PKD1L1: variants seen among roughly 807,000 people sequenced by gnomAD.
The protein encoded by PKD1L1 is polycystin-1-like protein 1.
Under a neutral mutation model 323.4 loss-of-function variants are expected in PKD1L1, and 236 were observed. The observed-to-expected ratio is 0.73, with a 90% CI of 0.66 to 0.81. PKD1L1 has a LOEUF of 0.81. Ranked by LOEUF, PKD1L1 falls within the 40% of genes least tolerant of loss-of-function variation. The probability of loss-of-function intolerance (pLI) is 0.00; values close to 1 mark genes in which losing one functional copy is unlikely to be tolerated. For missense variants in PKD1L1, 3,320 were observed against 3,508.0 expected (o/e 0.95, Z 1.35); for synonymous variants, 1,344 against 1,335.0 (o/e 1.01, Z -0.15).
intron 53 of PKD1L1, among the ~76,000 whole-genome samples, chr7:47,801,962 C>T (rs1032094195): frequency 5.9e-5 from 9 of 151,956 alleles, no homozygotes; most frequent in South Asian, 2.1e-4. Flanking sequence ...GAGGCCGAGG[C>T]GGGCGGATCA....
intron 6 of PKD1L1, among the ~76,000 whole-genome samples, chr7:47,930,023 C>T (rs1787734746): frequency 6.6e-6 from 1 of 152,192 alleles, no homozygotes; most frequent in African/African-American, 2.4e-5. Context: ...TGGAAATAGT[C>T]TAGGATACTC....
intron 8 of PKD1L1, among the ~76,000 whole-genome samples, chr7:47,914,891 G>A (rs1285773358): frequency 6.6e-6 from 1 of 152,138 alleles, no homozygotes; most frequent in Admixed American, 6.5e-5. Context: ...ATACAGGAGG[G>A]ACACAGGGCT....
In PKD1L1 at chr7:47,853,327, A is replaced by G. The variant is rs1035537959; in HGVS notation, c.4860-100T>C. 5 of 862,278 alleles carry G rather than the reference A, an allele frequency of 5.8e-6. No individual in the cohort carries two copies. The African/African-American group carries it at 6.7e-5, about 12-fold the overall frequency. 53.4% of individuals were successfully genotyped at this position (862,278 alleles called of 1,614,324 possible). A position where few individuals can be genotyped will look rare whatever the true frequency, so the allele number is the denominator to read the frequency against. On this transcript the variant is annotated intron_variant, in intron 30 of 56. Coordinates refer to ENST00000289672, the MANE Select transcript of PKD1L1 (RefSeq NM_138295.5). ...AGAGTTTACTCAATTTGTGCAAAAC[A>G]TCCTTGTCACTGCAAGGAGGTAGCC...
In PKD1L1 at chr7:47,833,021, T is replaced by C. The variant is rs1436685825; in HGVS notation, c.6337+69A>G. On this transcript the variant is annotated intron_variant, in intron 41 of 56. Coordinates refer to ENST00000289672, the MANE Select transcript of PKD1L1 (RefSeq NM_138295.5). ...GGCCCAATTGTGACTCTGCTTGCCC[T>C]GCCTCTCCCAATGGCTGCAGGTCTG... 3.3e-6 allele frequency: 5 copies of C among 1,522,362 alleles called. No individual in the cohort carries two copies. The African/African-American group carries it at 4.1e-5, about 12-fold the overall frequency. 94.3% of individuals were successfully genotyped at this position (1,522,362 alleles called of 1,614,324 possible). A position where few individuals can be genotyped will look rare whatever the true frequency, so the allele number is the denominator to read the frequency against.
chr7:47,780,301 C>A lies in PKD1L1; in HGVS notation c.8527-5135G>T, dbSNP rs61546159. Among the ~76,000 whole-genome samples the A allele has an allele frequency of 6.0e-4, 91 of 152,252 alleles. No homozygotes were observed. The East Asian group carries it at 0.017, about 28-fold the overall frequency. ...TTTCATCCCTGACTCCTGGCAACCA[C>A]GAACTGCTTCCCTTGTCTATAATCT... On this transcript the variant is annotated intron_variant, in intron 56 of 56. Coordinates refer to ENST00000289672, the MANE Select transcript of PKD1L1 (RefSeq NM_138295.5).
At chr7:47,877,316 G>A (rs1786428683) in intron 22 of PKD1L1, among the ~76,000 whole-genome samples, 173 bp downstream of exon 22, 2 of 152,180 alleles carry the variant, frequency 1.3e-5, no homozygotes, top group South Asian at 2.1e-4. Context: ...TCTCATTAGT[G>A]TGTGGGGAAG....
At chr7:47,785,396 G>C (rs1369597415) in intron 56 of PKD1L1, among the ~76,000 whole-genome samples, 1 of 152,092 alleles carries the variant, frequency 6.6e-6, no homozygotes, top group Non-Finnish European at 1.5e-5. Flanking sequence ...AATTGTGCCT[G>C]GCACAAAAAT....
chr7:47,783,152 C>A (rs1786733137), intron 56 of PKD1L1, among the ~76,000 whole-genome samples: 1 of 152,128 alleles, frequency 6.6e-6, no homozygotes, highest in Non-Finnish European at 1.5e-5. Context: ...TTAGGGAAGA[C>A]TCAATGGCAT....
chr7:47,826,187 C>T (rs529972840), intron 45 of PKD1L1, among the ~76,000 whole-genome samples: 2 of 152,200 alleles, frequency 1.3e-5, no homozygotes, highest in Non-Finnish European at 1.5e-5. Context: ...TCCTTCCCGC[C>T]ACCATGTTCC....
At position 47,774,994 on chromosome 7, in the gene PKD1L1, T is replaced by C. The variant is rs1786536204; in HGVS notation, c.*149A>G. 5 of 778,802 alleles carry C rather than the reference T, an allele frequency of 6.4e-6. No homozygotes were observed. The highest frequency in any genetic ancestry group is 8.6e-6 in the Non-Finnish European group (4 of 464,022). The allele number at this position is 778,802 out of a possible 1,614,324, so 48.2% of individuals were successfully genotyped here. The stretch of plus-strand genomic sequence containing the variant: ...CCTTGATTTTCATCCTGGTTTCCCA[T>C]TTACTTGTTACGTGAACTGGAAAAA... On this transcript the variant is annotated 3_prime_UTR_variant, in exon 57 of 57. Coordinates refer to ENST00000289672, the MANE Select transcript of PKD1L1 (RefSeq NM_138295.5).
At chr7:47,936,164 A>G (rs1218074372) in intron 4 of PKD1L1, among the ~76,000 whole-genome samples, 2 of 152,184 alleles carry the variant, frequency 1.3e-5, no homozygotes, top group Non-Finnish European at 2.9e-5. Flanking sequence ...GTTTTTTTAA[A>G]TTGTGGTAAA....
intron 55 of PKD1L1, 120 bp downstream of exon 55, chr7:47,795,869 C>CCA: frequency 8.0e-7 from 1 of 1,243,810 alleles, no homozygotes; most frequent in Non-Finnish European, 1.1e-6. Flanking sequence ...TGTGGCTTTG[C>CCA]AAGGAGATTT....
chr7:47,807,686 G>C (rs1784809707), intron 52 of PKD1L1, among the ~76,000 whole-genome samples: 1 of 152,148 alleles, frequency 6.6e-6, no homozygotes, highest in Admixed American at 6.5e-5. Flanking sequence ...GGCTCGTCCA[G>C]GCCCATCTGT....
intron 34 of PKD1L1, among the ~76,000 whole-genome samples, chr7:47,842,714 CT>C (rs1182218332): frequency 6.6e-6 from 1 of 152,184 alleles, no homozygotes; most frequent in Non-Finnish European, 1.5e-5. Context: ...CCCCGGGCTG[CT>C]TTCCACAGTG....
rs1010004035 is a variant in PKD1L1 at position 47,840,327 on chromosome 7, T to C, written c.5552+134A>G. ...ATAAACTAAAAATACATCATAAAATTGTTTGTATATAAATCGATGCTCACT... is the reference window on the plus strand; with the variant it reads ...ATAAACTAAAAATACATCATAAAATCGTTTGTATATAAATCGATGCTCACT... On this transcript the variant is annotated intron_variant, in intron 35 of 56. Transcript: ENST00000289672. This position sits in a 1 kb window ranked among gnomAD's most constrained non-coding sequence, Gnocchi z 4.1. 1.8e-5 allele frequency: 11 copies of C among 601,916 alleles called. No individual in the cohort carries two copies. 37.3% of individuals were successfully genotyped at this position (601,916 alleles called of 1,614,324 possible).
At chr7:47,878,831 G>A (rs1786466508) in intron 21 of PKD1L1, among the ~76,000 whole-genome samples, 1 of 152,232 alleles carries the variant, frequency 6.6e-6, no homozygotes, top group African/African-American at 2.4e-5. Flanking sequence ...GTGCAAGGCT[G>A]CGGGAGAGAA....
At chr7:47,928,507 T>C (rs1401500779) in intron 7 of PKD1L1, among the ~76,000 whole-genome samples, 1 of 151,912 alleles carries the variant, frequency 6.6e-6, no homozygotes, top group Non-Finnish European at 1.5e-5. Flanking sequence ...GAGGTGGAGG[T>C]TGCAGTGAGC....
At chr7:47,916,242 A>C (rs1421292496) in intron 7 of PKD1L1, among the ~76,000 whole-genome samples, 1 of 152,182 alleles carries the variant, frequency 6.6e-6, no homozygotes, top group African/African-American at 2.4e-5. Flanking sequence ...AAATTGGACT[A>C]TTTTTCAACT....
chr7:47,914,020 G>A (rs1193954150), intron 8 of PKD1L1, among the ~76,000 whole-genome samples: 3 of 152,130 alleles, frequency 2.0e-5, no homozygotes, highest in Non-Finnish European at 4.4e-5. Flanking sequence ...AGAAAAAAAT[G>A]AGTAAAATTG....
Sources: gnomAD v4.1 joint callset for allele counts (sites outside exome capture counted in the v4.1 genomes callset) on GRCh38, gnomAD v4.1.1 for gene constraint, Gnocchi (gnomAD v3.1) non-coding constraint, MANE v1.5 for transcripts, NCBI Gene and HGNC (gene_info 2026-07-23, HGNC 2026-07-21) for gene names.